Variants in EYA4 observed in about 807,000 individuals in gnomAD.
EYA4 encodes protein phosphatase EYA4.
A neutral mutation model predicts 87.9 loss-of-function variants in EYA4; 31 were observed. That is an observed-to-expected ratio of 0.35 (90% CI 0.27 to 0.48). The LOEUF (loss-of-function observed/expected upper bound fraction) is 0.48, where lower values mean the gene tolerates loss of function less well. Among genes scored for constraint, EYA4 ranks in the 20% least tolerant of loss-of-function variants. EYA4 has a pLI of 0.99. For synonymous variants in EYA4, 263 were observed against 270.6 expected, an observed-to-expected ratio of 0.97 and a Z score of 0.28; for missense variants, 678 against 761.4, an observed-to-expected ratio of 0.89 and a Z score of 1.29.
chr6:133,437,573 G>A lies in EYA4; in HGVS notation c.84-9057G>A, dbSNP rs371262185. Among the ~76,000 whole-genome samples the A allele has an allele frequency of 4.6e-5, 7 of 152,270 alleles. No individual in the cohort carries two copies. In the South Asian group the frequency reaches 1.5e-3, roughly 32 times the overall value. ...ACACAGAATGTGTCATACTGTAATA[G>A]TCCATTTTCATACTGCTGTAAAGAA... is the stretch of plus-strand genomic sequence containing the variant. On this transcript the variant is annotated intron_variant, in intron 3 of 19. Transcript: ENST00000355286.
intron 3 of EYA4, among the ~76,000 whole-genome samples, chr6:133,401,632 A>G (rs1453461335): frequency 6.6e-6 from 1 of 152,180 alleles, no homozygotes; most frequent in Non-Finnish European, 1.5e-5. Flanking sequence ...TAAGTTTCAT[A>G]TAGTCTTTTA....
intron 9 of EYA4, among the ~76,000 whole-genome samples, chr6:133,463,044 A>G (rs1391893950): frequency 6.6e-6 from 1 of 152,206 alleles, no homozygotes; most frequent in Non-Finnish European, 1.5e-5. Context: ...ACACCAGGTC[A>G]GCCACACATT....
chr6:133,487,363 C>T (rs1353761861), intron 13 of EYA4, among the ~76,000 whole-genome samples: 10 of 152,124 alleles, frequency 6.6e-5, no homozygotes, highest in South Asian at 4.1e-4. Flanking sequence ...CCAGTGGACT[C>T]GGCAGACACA....
chr6:133,530,997 T>C lies in EYA4; in HGVS notation c.*2192T>C, dbSNP rs1800977946. On this transcript the variant is annotated 3_prime_UTR_variant, in exon 20 of 20. Coordinates refer to ENST00000355286, the MANE Select transcript of EYA4 (RefSeq NM_004100.5). Reference sequence around the variant, plus strand: ...ACTGTGAATAAAAACAAATTATCTTTACTGTATAGCTGGTTTCTTTAAATG... The same window carrying C: ...ACTGTGAATAAAAACAAATTATCTTCACTGTATAGCTGGTTTCTTTAAATG... 7.6e-7 allele frequency: 1 copy of C among 1,315,080 alleles called. No individual in the cohort carries two copies. Among genetic ancestry groups the C allele is most frequent in the East Asian group, 2.8e-5 (1 of 35,910 alleles). The allele number at this position is 1,315,080 out of a possible 1,614,324, so 81.5% of individuals were successfully genotyped here. A position where few individuals can be genotyped will look rare whatever the true frequency, so the allele number is the denominator to read the frequency against.
At chr6:133,451,885 T>C (rs1279116430) in intron 5 of EYA4, among the ~76,000 whole-genome samples, 5 of 152,188 alleles carry the variant, frequency 3.3e-5, no homozygotes. Context: ...TAGAGATGAT[T>C]GACTCACATA....
At chr6:133,287,500 G>A (rs772160229) in intron 2 of EYA4, among the ~76,000 whole-genome samples, 3 of 151,738 alleles carry the variant, frequency 2.0e-5, no homozygotes, top group Non-Finnish European at 2.9e-5. Context: ...TGGGCATGAG[G>A]TTGTGAGGCA....
chr6:133,383,450 G>A (rs1053256633), intron 3 of EYA4, among the ~76,000 whole-genome samples: 92 of 140,484 alleles, frequency 6.5e-4, no homozygotes, highest in African/African-American at 1.9e-3. Flanking sequence ...CCTGGGAGGC[G>A]GAGGTTGCAG....
At chr6:133,491,951 C>CAAAAAAAA (rs34316449) in intron 13 of EYA4, among the ~76,000 whole-genome samples, 895 of 83,672 alleles carry the variant, frequency 0.011, 23 homozygotes, top group African/African-American at 0.039. Flanking sequence ...AACTCCGTCT[C>CAAAAAAAA]AAAAAAAAAA....
At chr6:133,270,212 C>T (rs1202769066) in intron 1 of EYA4, among the ~76,000 whole-genome samples, 1 of 152,214 alleles carries the variant, frequency 6.6e-6, no homozygotes, top group East Asian at 1.9e-4. Flanking sequence ...TTAACCATCA[C>T]AAGTCCACCC....
rs180986841 is a variant in EYA4, at chr6:133,316,479, G to A, written c.33+41666G>A. ...GTAGTGAAGTTGTCTTTTTGTAGCTGTTGAGTACTGGAGTTCTTTTTAGAT... is the reference window on the plus strand; with the variant it reads ...GTAGTGAAGTTGTCTTTTTGTAGCTATTGAGTACTGGAGTTCTTTTTAGAT... On this transcript the variant is annotated intron_variant, in intron 2 of 19. Transcript: ENST00000355286. Among the ~76,000 whole-genome samples, 527 of 152,276 alleles carry A rather than the reference G, an allele frequency of 3.5e-3. 4 individuals carry two copies. Among genetic ancestry groups the A allele is most frequent in the African/African-American group, 0.011 (476 of 41,572 alleles).
chr6:133,512,626 G>A (rs1482621149), intron 14 of EYA4, 95 bp from the exon 15 acceptor site: 3 of 930,686 alleles, frequency 3.2e-6, no homozygotes, highest in South Asian at 1.3e-5. Context: ...CCATCTTCTG[G>A]TGGTAGTCTG....
At chr6:133,489,633 C>A (rs947240757) in intron 13 of EYA4, among the ~76,000 whole-genome samples, 7 of 151,258 alleles carry the variant, frequency 4.6e-5, no homozygotes, top group Non-Finnish European at 7.4e-5. Context: ...AAAAAAAAAA[C>A]CATATTTACC....
chr6:133,420,771 C>T (rs1056293361), intron 3 of EYA4, among the ~76,000 whole-genome samples: 2 of 152,232 alleles, frequency 1.3e-5, no homozygotes, highest in African/African-American at 4.8e-5. Flanking sequence ...CATGGCATAA[C>T]TGCATTTGCT....
intron 3 of EYA4, among the ~76,000 whole-genome samples, chr6:133,413,518 T>A (rs76632979): frequency 6.6e-6 from 1 of 152,190 alleles, no homozygotes; most frequent in Non-Finnish European, 1.5e-5. Context: ...ATTCTTTTTT[T>A]AGCTTTCTAA....
At chr6:133,352,492 A>G (rs1220441269) in intron 2 of EYA4, among the ~76,000 whole-genome samples, 1 of 152,230 alleles carries the variant, frequency 6.6e-6, no homozygotes, top group Non-Finnish European at 1.5e-5. Flanking sequence ...TAAATGGTTA[A>G]GAATGTCATA....
intron 2 of EYA4, among the ~76,000 whole-genome samples, chr6:133,357,196 G>A (rs943270403): frequency 4.2e-4 from 62 of 148,202 alleles, no homozygotes; most frequent in African/African-American, 1.5e-3. Context: ...GCGTGAACCC[G>A]GGAGGCGGAG....
chr6:133,270,962 C>T (rs564476515), intron 1 of EYA4, among the ~76,000 whole-genome samples: 3 of 152,218 alleles, frequency 2.0e-5, no homozygotes, highest in African/African-American at 4.8e-5. Context: ...TTAATGGAAT[C>T]GTTGTTGTCT....
At chr6:133,524,085 T>A (rs1280504763) in intron 18 of EYA4, among the ~76,000 whole-genome samples, 1 of 152,130 alleles carries the variant, frequency 6.6e-6, no homozygotes, top group Non-Finnish European at 1.5e-5. Flanking sequence ...AGAGTAAATT[T>A]CACATTGTCA....
rs1358062338 is a variant in EYA4 at position 133,468,734 on chromosome 6, A to G, written c.970+3A>G. On this transcript the variant is annotated splice_donor_region_variant and intron_variant, in intron 11 of 19. Coordinates refer to ENST00000355286, the MANE Select transcript of EYA4 (RefSeq NM_004100.5). ...CCCAGGACTGACTAACCAACCAGGT[A>G]CAGATCTTCACCCAGGTGAAATACT... The G allele has an allele frequency of 4.3e-6, 7 of 1,612,760 alleles. No individual in the cohort carries two copies. Among genetic ancestry groups the G allele is most frequent in the Admixed American group, 1.7e-5 (1 of 59,878 alleles).
Sources: gnomAD v4.1 joint callset for allele counts (sites outside exome capture counted in the v4.1 genomes callset) on GRCh38, gnomAD v4.1.1 for gene constraint, MANE v1.5 for transcripts, NCBI Gene and HGNC (gene_info 2026-07-23, HGNC 2026-07-21) for gene names.